PRKRIP1: variants seen among roughly 807,000 people sequenced by gnomAD.
PRKRIP1 encodes PRKR interacting protein 1, also known as PRKR-interacting protein 1.
In PRKRIP1, 29 loss-of-function variants were observed where a neutral mutation model predicts 29.3. The ratio of observed to expected loss-of-function variants is 0.99; its 90% CI spans 0.74 to 1.35. PRKRIP1 has a LOEUF of 1.35. Ranked by LOEUF, PRKRIP1 falls within the 40% of genes most tolerant of loss-of-function variation. The pLI, the probability that PRKRIP1 is intolerant of heterozygous loss-of-function variation, is 0.00. For synonymous variants in PRKRIP1, 90 were observed against 85.1 expected, an observed-to-expected ratio of 1.06 and a Z score of -0.32; for missense variants, 247 against 236.8, an observed-to-expected ratio of 1.04 and a Z score of -0.28.
chr7:102,424,906 C>T (rs781953180), intron 5 of PRKRIP1, 108 bp from the exon 6 acceptor site: 16 of 1,123,470 alleles, frequency 1.4e-5, no homozygotes, highest in East Asian at 2.6e-5. Flanking sequence ...TCTTGCCATG[C>T]GGTCTAGGAA....
chr7:102,418,900 C>T (rs1211609194), intron 5 of PRKRIP1, among the ~76,000 whole-genome samples: 7 of 151,932 alleles, frequency 4.6e-5, no homozygotes, highest in African/African-American at 1.4e-4. Flanking sequence ...TACATTTTAT[C>T]GCCCAAGCTG....
chr7:102,406,789 T>G (rs943566050), intron 4 of PRKRIP1, among the ~76,000 whole-genome samples: 1 of 151,862 alleles, frequency 6.6e-6, no homozygotes, highest in Non-Finnish European at 1.5e-5. Context: ...ATTTTGAATT[T>G]GAATAAGAAA....
chr7:102,400,230 A>G (rs1176049406), intron 3 of PRKRIP1, among the ~76,000 whole-genome samples: 10 of 152,092 alleles, frequency 6.6e-5, no homozygotes, highest in Non-Finnish European at 8.8e-5. Context: ...GAATTGCTGG[A>G]ACGTGGGAGG....
intron 5 of PRKRIP1, among the ~76,000 whole-genome samples, chr7:102,418,270 G>A (rs1796606527): frequency 6.6e-6 from 1 of 151,648 alleles, no homozygotes; most frequent in African/African-American, 2.4e-5. Flanking sequence ...GGCTGGTCTC[G>A]AACTCCTAGC....
At position 102,396,440 on chromosome 7, in the gene PRKRIP1, G is replaced by A. The variant is rs782200910; in HGVS notation, c.29G>A (p.Arg10Gln). The change falls in exon 1 of 6, where the codon CGA becomes CAA. Residue 10 changes from arginine (R) to glutamine (Q), a missense_variant. Physicochemically the swap from Arg to Gln is conservative, Grantham distance 43 (BLOSUM62 1). Around this residue, in one of 3 missense-constraint regions of PRKRIP1, gnomAD observed 105 missense variants for 80.2 expected, o/e 1.31. Transcript: ENST00000397912. MASPAASSVRPPRPKKEPQT... is the reference protein window; with the variant it reads MASPAASSVQPPRPKKEPQT... The stretch of plus-strand genomic sequence containing the variant: ...GCTAGCCCAGCCGCCTCCTCGGTGC[G>A]ACCACCGAGGCCCAAGAAAGAGCCG... 1 of 1,594,064 alleles carries A rather than the reference G, an allele frequency of 6.3e-7. No homozygotes were observed. Among genetic ancestry groups the A allele is most frequent in the Non-Finnish European group, 8.5e-7 (1 of 1,174,024 alleles).
chr7:102,396,430 T>G lies in PRKRIP1; in HGVS notation c.19T>G (p.Ser7Ala), dbSNP rs6951185. 111,149 of 1,585,388 alleles carry G rather than the reference T, an allele frequency of 0.07. 4,309 individuals carry two copies. Among genetic ancestry groups the G allele is most frequent in the African/African-American group, 0.097 (7,004 of 72,118 alleles). Residue 7 changes from serine (S) to alanine (A), a missense_variant, in exon 1 of 6, where the codon TCC (serine) becomes GCC (alanine). Physicochemically the swap from Ser to Ala is moderately conservative, Grantham distance 99. This residue lies in a region of PRKRIP1 where 105 missense variants were observed against 80.2 expected (regional missense o/e 1.31). Coordinates refer to ENST00000397912, the MANE Select transcript of PRKRIP1 (RefSeq NM_024653.4). ...GGCTGCCATGGCTAGCCCAGCCGCC[T>G]CCTCGGTGCGACCACCGAGGCCCAA... MASPAASSVRPPRPKKE... is the reference protein window; with the variant it reads MASPAAASVRPPRPKKE...
intron 5 of PRKRIP1, among the ~76,000 whole-genome samples, chr7:102,419,111 CTT>C (rs1342629203): frequency 1.3e-5 from 2 of 151,976 alleles, no homozygotes; most frequent in Admixed American, 1.3e-4. Flanking sequence ...TCCTAAATGA[CTT>C]TTAAAATTAG....
intron 3 of PRKRIP1, 26 bp downstream of exon 3, chr7:102,399,674 G>C: frequency 6.4e-7 from 1 of 1,555,920 alleles, no homozygotes; most frequent in Non-Finnish European, 8.9e-7. Context: ...GGCTGGCTGA[G>C]CCCCCATGTT....
intron 5 of PRKRIP1, among the ~76,000 whole-genome samples, chr7:102,417,562 G>A (rs1401050092): frequency 6.6e-6 from 1 of 150,558 alleles, no homozygotes; most frequent in African/African-American, 2.4e-5. Context: ...TTTGGCCATT[G>A]GGAGCTCTTT....
At position 102,404,681 on chromosome 7, in the gene PRKRIP1, G is replaced by A; in HGVS notation, c.390G>A (p.Lys130=). 6.2e-7 allele frequency: 1 copy of A among 1,613,034 alleles called. No homozygotes were observed. The highest frequency in any genetic ancestry group is 8.5e-7 in the Non-Finnish European group (1 of 1,179,478). ...AGCAGACCGCAAAGCGCCGGAAGAA[G>A]CGGTAAGCGGCATGGCCTAACTGTG... ...AEEQTAKRRK[K]RQKLKEKKLL... The change falls in exon 4 of 6, where the codon AAG becomes AAA. Residue 130 remains lysine, a splice_region_variant and synonymous_variant. Transcript: ENST00000397912.
chr7:102,422,173 TATTATGA>T (rs1259908433), intron 5 of PRKRIP1, among the ~76,000 whole-genome samples: 129 of 127,802 alleles, frequency 1.0e-3, no homozygotes, highest in Non-Finnish European at 1.8e-3. Context: ...TTATTATTAT[TATTATGA>T]TTATTATTAT....
intron 3 of PRKRIP1, 110 bp from the exon 4 acceptor site, chr7:102,404,488 C>T (rs1335345770): frequency 2.4e-6 from 2 of 824,172 alleles, no homozygotes; most frequent in African/African-American, 1.7e-5. Flanking sequence ...GGTAGTGCCT[C>T]CGTCACCCCC....
At chr7:102,420,489 C>G (rs1246056421) in intron 5 of PRKRIP1, among the ~76,000 whole-genome samples, 2 of 152,132 alleles carry the variant, frequency 1.3e-5, no homozygotes, top group Non-Finnish European at 2.9e-5. Context: ...CAACATGAAG[C>G]ATAGTAACTA....
At chr7:102,423,309 T>C (rs1164529262) in intron 5 of PRKRIP1, 1 of 387,628 alleles carries the variant, frequency 2.6e-6, no homozygotes, top group South Asian at 1.8e-5. Flanking sequence ...GAGATGAGGT[T>C]TCCCCCATGT....
chr7:102,407,846 G>C (rs537998952), intron 5 of PRKRIP1, among the ~76,000 whole-genome samples: 1 of 152,094 alleles, frequency 6.6e-6, no homozygotes, highest in Non-Finnish European at 1.5e-5. Context: ...AGCAGCTCTC[G>C]GGGCTACATC....
chr7:102,402,943 T>A (rs1796112578), intron 3 of PRKRIP1, among the ~76,000 whole-genome samples: 1 of 151,998 alleles, frequency 6.6e-6, no homozygotes, highest in African/African-American at 2.4e-5. Context: ...AGTGTAATCT[T>A]GGCTTGCTGC....
chr7:102,400,523 A>T (rs1038499835), intron 3 of PRKRIP1, among the ~76,000 whole-genome samples: 3 of 152,126 alleles, frequency 2.0e-5, no homozygotes, highest in Admixed American at 6.6e-5. Flanking sequence ...GAGAAAAAAA[A>T]ACTGGTTATC....
At chr7:102,408,997 A>T (rs1796304385) in intron 5 of PRKRIP1, among the ~76,000 whole-genome samples, 1 of 151,914 alleles carries the variant, frequency 6.6e-6, no homozygotes, top group Non-Finnish European at 1.5e-5. Context: ...AACGTGGTGA[A>T]ACCCCATCTC....
chr7:102,425,424 A>G lies in PRKRIP1; in HGVS notation c.*313A>G, dbSNP rs111760484. ...GCTGGTTTCTGGGAAGGGAACGTTT[A>G]TTTAGTAAAGAGCAGAACACCCTTG... On this transcript the variant is annotated 3_prime_UTR_variant, in exon 6 of 6. Coordinates refer to ENST00000397912, the MANE Select transcript of PRKRIP1 (RefSeq NM_024653.4). 1,770 of 399,980 alleles carry G rather than the reference A, an allele frequency of 4.4e-3. 27 individuals carry two copies. The highest frequency in any genetic ancestry group is 0.034 in the African/African-American group (1,614 of 47,522). 24.8% of individuals were successfully genotyped at this position (399,980 alleles called of 1,614,324 possible).
Sources: gnomAD v4.1 joint callset for allele counts (sites outside exome capture counted in the v4.1 genomes callset) on GRCh38, gnomAD v4.1.1 for gene constraint, gnomAD v4.1.1 regional missense constraint, MANE v1.5 for transcripts, NCBI Gene and HGNC (gene_info 2026-07-23, HGNC 2026-07-21) for gene names.